Variants in ADA2 observed in about 807,000 individuals in gnomAD.
The protein encoded by ADA2 is adenosine deaminase CECR1.
Under a neutral mutation model 44.2 loss-of-function variants are expected in ADA2, and 29 were observed. That is an observed-to-expected ratio of 0.66 (90% CI 0.49 to 0.89). ADA2 has a LOEUF of 0.89. ADA2 is among the 40% of genes least tolerant of loss of function. ADA2 has a pLI of 0.00. For missense variants in ADA2, 637 were observed against 644.8 expected (o/e 0.99, Z 0.13); for synonymous variants, 215 against 234.9 (o/e 0.92, Z 0.77).
At chr22:17,206,968 A>G (rs1470472078) in intron 3 of ADA2, 103 bp downstream of exon 3, 69 of 887,226 alleles carry the variant, frequency 7.8e-5, no homozygotes, top group Non-Finnish European at 1.1e-5. Context: ...CTCATGTTTT[A>G]TTAAAGCCAG....
At chr22:17,199,589 G>GA (rs760865260) in intron 4 of ADA2, 1 of 1,614,058 alleles carries the variant, frequency 6.2e-7, no homozygotes, top group South Asian at 1.1e-5. Flanking sequence ...CTCCCCTCCG[G>GA]AAAAAGGAAA....
chr22:17,213,509 C>T, intron 1 of ADA2: 1 of 260,900 alleles, frequency 3.8e-6, no homozygotes. Flanking sequence ...CGGGGAGTGT[C>T]GTGGATGCCT....
intron 1 of ADA2, among the ~76,000 whole-genome samples, chr22:17,214,379 ACACCCTTTTAGTTCGGATG>A (rs1389075706): frequency 4.6e-5 from 7 of 152,238 alleles, no homozygotes; most frequent in Non-Finnish European, 1.0e-4. Context: ...TATAGAAGAT[ACACCCTTTTAGTTCGGATG>A]GAAAGTTTCT....
At chr22:17,191,609 T>C in intron 5 of ADA2, 74 bp downstream of exon 5, 4 of 968,484 alleles carry the variant, frequency 4.1e-6, no homozygotes, top group Middle Eastern at 2.5e-4. Context: ...TTCTCACCCC[T>C]CCCCTCCCAG....
At chr22:17,196,943 C>T (rs748120636) in intron 4 of ADA2, among the ~76,000 whole-genome samples, 36 of 152,212 alleles carry the variant, frequency 2.4e-4, no homozygotes, top group Non-Finnish European at 4.4e-4. Flanking sequence ...GAGGCCGAGG[C>T]AGGCGAATCA....
At chr22:17,200,303 T>C (rs1456079395) in intron 4 of ADA2, among the ~76,000 whole-genome samples, 1 of 152,164 alleles carries the variant, frequency 6.6e-6, no homozygotes, top group Non-Finnish European at 1.5e-5. Context: ...CGCCTCCCTT[T>C]TCAGAAATTC....
Position 17,203,750 on chromosome 22 carries a change from A to AC in ADA2, c.565dup (p.Val189GlyfsTer20). The AC allele has an allele frequency of 6.2e-7, 1 of 1,613,874 alleles. No homozygotes were observed. The highest frequency in any genetic ancestry group is 8.5e-7 in the Non-Finnish European group (1 of 1,179,820). Reference sequence around the variant, plus strand: ...GTAAATCACCTCCGGGTGCTGGGTCACCAGAGTGAAATTCCTCAGCAAGCT... The same window carrying AC: ...GTAAATCACCTCCGGGTGCTGGGTCACCCAGAGTGAAATTCCTCAGCAAGCT... On this transcript the variant is annotated frameshift_variant, in exon 4 of 10. Transcript: ENST00000399837. LOFTEE classifies it high-confidence loss of function.
intron 4 of ADA2, among the ~76,000 whole-genome samples, chr22:17,201,435 T>C (rs552394539): frequency 1.3e-5 from 2 of 152,272 alleles, no homozygotes; most frequent in East Asian, 3.9e-4. Flanking sequence ...ACTAAAATAC[T>C]GCCACCATGT....
intron 7 of ADA2, among the ~76,000 whole-genome samples, chr22:17,185,454 T>C (rs2062025910): frequency 6.7e-6 from 1 of 148,906 alleles, no homozygotes; most frequent in Non-Finnish European, 1.5e-5. Context: ...AATAAAAAAA[T>C]AAAAATAAGG....
chr22:17,194,377 G>A (rs1353355414), intron 4 of ADA2, among the ~76,000 whole-genome samples: 1 of 152,200 alleles, frequency 6.6e-6, no homozygotes, highest in Non-Finnish European at 1.5e-5. Flanking sequence ...CAGCCTAGGG[G>A]CCTCCCACAC....
At chr22:17,207,718 T>G (rs1477005327) in intron 2 of ADA2, among the ~76,000 whole-genome samples, 1 of 152,056 alleles carries the variant, frequency 6.6e-6, no homozygotes, top group Non-Finnish European at 1.5e-5. Flanking sequence ...AGCTCTCCAA[T>G]GGGAGCCCAG....
chr22:17,196,079 G>A (rs2062186937), intron 4 of ADA2, among the ~76,000 whole-genome samples: 1 of 151,906 alleles, frequency 6.6e-6, no homozygotes, highest in African/African-American at 2.4e-5. Flanking sequence ...GGGTGCAATA[G>A]CTCACACCTG....
In ADA2 at chr22:17,205,184, A is replaced by G. The variant is rs559540654; in HGVS notation, c.543-1411T>C. Among the ~76,000 whole-genome samples the G allele has an allele frequency of 4.9e-4, 74 of 151,810 alleles. 1 individual carries two copies. Among genetic ancestry groups the G allele is most frequent in the Non-Finnish European group, 9.4e-4 (64 of 67,974 alleles). ...AGGTGGCTGCCAGCATGCACGGCTA[A>G]TTTTTTTGTATTTTTAGTAGAGACA... On this transcript the variant is annotated intron_variant, in intron 3 of 9. Transcript: ENST00000399837.
intron 1 of ADA2, chr22:17,214,007 C>T (rs980823621): frequency 5.5e-6 from 2 of 365,108 alleles, no homozygotes; most frequent in Non-Finnish European, 1.0e-5. Flanking sequence ...CCATTGCACT[C>T]CAGCCTGAGC....
chr22:17,188,328 C>T lies in ADA2; in HGVS notation c.1081+11G>A, dbSNP rs576842036. 88 of 1,605,378 alleles carry T rather than the reference C, an allele frequency of 5.5e-5. No homozygotes were observed. Among genetic ancestry groups the T allele is most frequent in the South Asian group, 5.0e-4 (45 of 90,884 alleles). On this transcript the variant is annotated intron_variant, in intron 7 of 9. Transcript: ENST00000399837. ...ACCTCCGCTGCCTCTGCTCGCATCCCGCAGGCTCACCTGTTTCTCCGGCGT... is the reference window on the plus strand; with the variant it reads ...ACCTCCGCTGCCTCTGCTCGCATCCTGCAGGCTCACCTGTTTCTCCGGCGT...
At chr22:17,205,797 G>A (rs751808214) in intron 3 of ADA2, among the ~76,000 whole-genome samples, 4 of 152,124 alleles carry the variant, frequency 2.6e-5, no homozygotes, top group South Asian at 2.1e-4. Flanking sequence ...TGGGCAACAC[G>A]GCAAAACCCC....
chr22:17,208,811 T>A lies in ADA2; in HGVS notation c.322+545A>T, dbSNP rs182376037. On this transcript the variant is annotated intron_variant, in intron 2 of 9. Coordinates refer to ENST00000399837, the MANE Select transcript of ADA2 (RefSeq NM_001282225.2). ...GAGTGAGACTCTGTCTCAAAAAAAA[T>A]TTTTTTTAATAAAAAAAAAAATTAA... Among the ~76,000 whole-genome samples the A allele has an allele frequency of 3.3e-3, 482 of 147,194 alleles. 19 individuals are homozygous for A. The East Asian group carries it at 0.055, about 17-fold the overall frequency.
upstream of ADA2, among the ~76,000 whole-genome samples, chr22:17,220,183 A>G (rs60340446): frequency 0.013 from 1,905 of 152,170 alleles, 43 homozygotes; most frequent in African/African-American, 0.044. Flanking sequence ...AAAAGTAGCT[A>G]TAATAAAATA....
chr22:17,191,836 C>G, intron 4 of ADA2, 26 bp from the exon 5 acceptor site: 1 of 1,602,674 alleles, frequency 6.2e-7, no homozygotes, highest in Non-Finnish European at 8.5e-7. Context: ...AACCAGGAGC[C>G]GTCAGGTGAG....
Sources: allele counts gnomAD v4.1 joint callset (sites outside exome capture counted in the v4.1 genomes callset), GRCh38; gene constraint gnomAD v4.1.1; transcripts MANE v1.5; gene names NCBI Gene and HGNC (gene_info 2026-07-23, HGNC 2026-07-21).